PDE1C: variants seen among roughly 807,000 people sequenced by gnomAD.
The protein encoded by PDE1C is dual specificity calcium/calmodulin-dependent 3',5'-cyclic nucleotide phosphodiesterase 1C.
Under a neutral mutation model 93.1 loss-of-function variants are expected in PDE1C, and 62 were observed. The ratio of observed to expected loss-of-function variants is 0.67; its 90% confidence interval spans 0.54 to 0.82. The LOEUF is 0.82. Ranked by LOEUF, PDE1C falls within the 40% of genes least tolerant of loss-of-function variation. The pLI, the probability that PDE1C is intolerant of heterozygous loss-of-function variation, is 0.00. For synonymous variants in PDE1C, 325 were observed against 310.1 expected (o/e 1.05, Z -0.50); for missense variants, 742 against 884.6 (o/e 0.84, Z 2.04).
At chr7:32,019,697 T>C (rs2128609239) in intron 2 of PDE1C, among the ~76,000 whole-genome samples, 1 of 152,100 alleles carries the variant, frequency 6.6e-6, no homozygotes. Flanking sequence ...AGAACTATTT[T>C]ACATGTTGAA....
intron 1 of PDE1C, among the ~76,000 whole-genome samples, chr7:32,307,897 A>G (rs1813054006): frequency 6.6e-6 from 1 of 152,222 alleles, no homozygotes; most frequent in South Asian, 2.1e-4. Context: ...CAGTGGGTGC[A>G]GCGCACTGTG....
chr7:32,391,384 A>C (rs1747485663), intron 1 of PDE1C, among the ~76,000 whole-genome samples: 1 of 152,354 alleles, frequency 6.6e-6, no homozygotes, highest in South Asian at 2.1e-4. Flanking sequence ...GGAGAAACAG[A>C]CAACTCAACA....
At chr7:32,058,975 A>C (rs1308320870) in intron 1 of PDE1C, among the ~76,000 whole-genome samples, 2 of 150,988 alleles carry the variant, frequency 1.3e-5, no homozygotes, top group Non-Finnish European at 3.0e-5. Context: ...GGAAAAAAAA[A>C]AAACCTCATT....
At chr7:32,088,122 T>C (rs1421274380) in intron 3 of PDE1C, among the ~76,000 whole-genome samples, 1 of 152,170 alleles carries the variant, frequency 6.6e-6, no homozygotes, top group East Asian at 1.9e-4. Flanking sequence ...AATGATAGCC[T>C]ACCTTCCACC....
the PDE1C span, chr7:31,695,466 T>G: frequency 6.3e-7 from 1 of 1,593,322 alleles, no homozygotes; most frequent in Non-Finnish European, 8.5e-7. Context: ...CTGTCAAAAT[T>G]AGATGATCTT....
At chr7:32,010,347 A>G (rs77497849) in intron 2 of PDE1C, among the ~76,000 whole-genome samples, 15,258 of 152,302 alleles carry the variant, frequency 0.1, 938 homozygotes, top group South Asian at 0.17. Flanking sequence ...ACACATGAAT[A>G]GAAAACTAAT....
intron 1 of PDE1C, among the ~76,000 whole-genome samples, chr7:32,353,556 G>GT (rs909878304): frequency 0.015 from 227 of 15,364 alleles, 1 homozygote; most frequent in African/African-American, 0.019. Context: ...TGTAGTTTTT[G>GT]TTTTTTTTTT....
intron 1 of PDE1C, among the ~76,000 whole-genome samples, chr7:32,322,130 T>C (rs552838259): frequency 3.9e-5 from 6 of 152,186 alleles, no homozygotes; most frequent in Non-Finnish European, 8.8e-5. Context: ...ATTACCCTAA[T>C]TCTACAGATG....
At chr7:32,354,657 G>A (rs1783997153) in intron 1 of PDE1C, among the ~76,000 whole-genome samples, 1 of 152,120 alleles carries the variant, frequency 6.6e-6, no homozygotes, top group Non-Finnish European at 1.5e-5. Flanking sequence ...GTTTGGGAGG[G>A]CCACACAACC....
At chr7:31,784,391 G>T (rs1395921648) in intron 16 of PDE1C, 1 of 152,178 alleles carries the variant, frequency 6.6e-6, no homozygotes, top group Non-Finnish European at 1.5e-5. Context: ...TTCCCATAAA[G>T]ATTTCCTTTT....
the PDE1C span, among the ~76,000 whole-genome samples, chr7:31,734,513 G>A: frequency 1.8e-4 from 28 of 152,338 alleles, 1 homozygote; most frequent in South Asian, 5.6e-3. Context: ...GGGAAATACA[G>A]CAGGGATTTC....
intron 1 of PDE1C, among the ~76,000 whole-genome samples, chr7:32,359,237 G>A (rs1054814899): frequency 2.6e-5 from 4 of 151,956 alleles, no homozygotes; most frequent in African/African-American, 9.7e-5. Context: ...CTGCTCCTTG[G>A]TTATAAATCC....
intron 3 of PDE1C, among the ~76,000 whole-genome samples, chr7:32,086,978 G>A (rs1797129257): frequency 6.6e-6 from 1 of 151,660 alleles, no homozygotes; most frequent in East Asian, 1.9e-4. Context: ...CAAAAGCAAT[G>A]GCAACAAAAG....
At chr7:32,198,980 G>A (rs537795068) in intron 2 of PDE1C, among the ~76,000 whole-genome samples, 65 of 152,052 alleles carry the variant, frequency 4.3e-4, no homozygotes, top group Admixed American at 1.5e-3. Flanking sequence ...ACAATTCGCC[G>A]GGCATGGTGG....
intron 15 of PDE1C, among the ~76,000 whole-genome samples, chr7:31,810,436 G>A (rs77109564): frequency 2.0e-5 from 3 of 152,186 alleles, no homozygotes; most frequent in African/African-American, 7.2e-5. Context: ...TGCTTTGCAT[G>A]CATCATTTTA....
chr7:32,147,710 C>T (rs913909591), intron 3 of PDE1C, among the ~76,000 whole-genome samples: 2 of 152,026 alleles, frequency 1.3e-5, no homozygotes, highest in Non-Finnish European at 2.9e-5. Flanking sequence ...CACCCCCCCT[C>T]CAAGCATTGA....
intron 1 of PDE1C, among the ~76,000 whole-genome samples, chr7:32,309,615 A>C (rs1813116622): frequency 6.6e-6 from 1 of 152,242 alleles, no homozygotes; most frequent in Admixed American, 6.5e-5. Flanking sequence ...ATAGAAAAGA[A>C]TTTCCAACCC....
At chr7:31,658,518 G>A in the PDE1C span, 1 of 741,802 alleles carries the variant, frequency 1.3e-6, no homozygotes, top group East Asian at 3.1e-5. Context: ...GTTTTAGAGT[G>A]TTTTCATGTG....
chr7:31,894,818 C>T (rs1405986114), intron 2 of PDE1C, among the ~76,000 whole-genome samples: 2 of 152,076 alleles, frequency 1.3e-5, no homozygotes, highest in Non-Finnish European at 2.9e-5. Context: ...AACAGCCATT[C>T]CCACCACGAG....
Sources: allele counts gnomAD v4.1 joint callset (sites outside exome capture counted in the v4.1 genomes callset), GRCh38; gene constraint gnomAD v4.1.1; transcripts MANE v1.5; gene names NCBI Gene and HGNC (gene_info 2026-07-23, HGNC 2026-07-21).